NEB: variants seen among roughly 807,000 people sequenced by gnomAD.
NEB encodes nemaline myopathy type 2.
In NEB, 512 loss-of-function variants were observed where a neutral mutation model predicts 952.2. The observed-to-expected ratio is 0.54, with a 90% CI of 0.50 to 0.58. The LOEUF (loss-of-function observed/expected upper bound fraction) is 0.58. NEB is among the 20% of genes least tolerant of loss of function. The pLI is 0.00. For synonymous variants in NEB, 2,900 were observed against 3,149.8 expected, an observed-to-expected ratio of 0.92 and a Z score of 2.66; for missense variants, 8,428 against 9,231.1, an observed-to-expected ratio of 0.91 and a Z score of 3.56.
chr2:151,511,132 C>A (rs2073958820), intron 161 of NEB, among the ~76,000 whole-genome samples: 1 of 152,252 alleles, frequency 6.6e-6, no homozygotes, highest in South Asian at 2.1e-4. Context: ...TAAAGATCAG[C>A]AGTGTCAAAA....
chr2:151,538,945 A>G (rs2093658481), intron 138 of NEB, among the ~76,000 whole-genome samples: 2 of 152,256 alleles, frequency 1.3e-5, no homozygotes, highest in African/African-American at 4.8e-5. Flanking sequence ...GCAAACACAC[A>G]GTGAAAGATG....
At chr2:151,701,370 C>G (rs1022041758) in intron 13 of NEB, among the ~76,000 whole-genome samples, 20 of 151,788 alleles carry the variant, frequency 1.3e-4, no homozygotes, top group African/African-American at 4.3e-4. Flanking sequence ...CAGAATGATG[C>G]TGGCCTCATA....
At position 151,502,845 on chromosome 2, in the gene NEB, G is replaced by T. The variant is rs747960478; in HGVS notation, c.23876C>A (p.Pro7959His). Reference protein sequence around the residue: ...KENLGKGIPTPITPEMERVKR... With the variant: ...KENLGKGIPTHITPEMERVKR... ...GACTCTCTCCATCTCTGGAGTGATA[G>T]GTGTTGGGATTCCTTTCCCCAAATT... Residue 7959 changes from proline (P) to histidine (H), a missense_variant, in exon 167 of 182, where the codon CCT (proline) becomes CAT (histidine). Physicochemically the swap from Pro to His is moderately conservative, Grantham distance 77. Coordinates refer to ENST00000397345, the MANE Select transcript of NEB (RefSeq NM_001164508.2). 2.5e-6 allele frequency: 4 copies of T among 1,608,376 alleles called. No individual in the cohort carries two copies. Among genetic ancestry groups the T allele is most frequent in the Non-Finnish European group, 3.4e-6 (4 of 1,177,506 alleles).
At chr2:151,682,861 AT>A in intron 28 of NEB, 92 bp from the exon 29 acceptor site, 1 of 1,093,740 alleles carries the variant, frequency 9.1e-7, no homozygotes, top group Non-Finnish European at 1.3e-6. Flanking sequence ...TGTTTTTGAG[AT>A]TTCTGACCAG....
At chr2:151,564,884 G>A (rs2096284506) in intron 117 of NEB, among the ~76,000 whole-genome samples, 160 bp downstream of exon 117, 1 of 152,160 alleles carries the variant, frequency 6.6e-6, no homozygotes, top group Admixed American at 6.5e-5. Context: ...TATTTGCCTT[G>A]AATAACATGG....
At position 151,609,749 on chromosome 2, in the gene NEB, T is replaced by C. The variant is rs530105295; in HGVS notation, c.12330+60A>G. On this transcript the variant is annotated intron_variant, in intron 81 of 181. Coordinates refer to ENST00000397345, the MANE Select transcript of NEB (RefSeq NM_001164508.2). ...GGGGACTGTCCTCAGAGGCACTGACTGGGCAATGAACAAATCTACATCTTC... is the reference window on the plus strand; with the variant it reads ...GGGGACTGTCCTCAGAGGCACTGACCGGGCAATGAACAAATCTACATCTTC... The C allele has an allele frequency of 9.2e-5, 137 of 1,492,202 alleles. No individual in the cohort carries two copies. In the South Asian group the frequency reaches 1.0e-3, roughly 11 times the overall value. The allele number at this position is 1,492,202 out of a possible 1,614,324, so 92.4% of individuals were successfully genotyped here. A position where few individuals can be genotyped will look rare whatever the true frequency, so the allele number is the denominator to read the frequency against.
intron 146 of NEB, among the ~76,000 whole-genome samples, chr2:151,528,626 G>T (rs183148841): frequency 1.2e-4 from 19 of 152,230 alleles, no homozygotes; most frequent in Non-Finnish European, 2.2e-4. Flanking sequence ...GCACTAGTGG[G>T]TACTAATTCG....
At chr2:151,572,672 A>G (rs1366902281) in intron 107 of NEB, among the ~76,000 whole-genome samples, 1 of 150,462 alleles carries the variant, frequency 6.6e-6, no homozygotes, top group African/African-American at 2.4e-5. Context: ...CAGCCACCCA[A>G]GTAGCTGGGA....
At chr2:151,527,837 ATC>A (rs981047814) in intron 146 of NEB, among the ~76,000 whole-genome samples, 12 of 152,164 alleles carry the variant, frequency 7.9e-5, no homozygotes, top group African/African-American at 2.9e-4. Flanking sequence ...TGATTCTTCA[ATC>A]TCTCTAGTTC....
rs34234609 is a variant in NEB, at chr2:151,675,340, G to T, written c.3826C>A (p.Pro1276Thr). The change falls in exon 35 of 182, where the codon CCT becomes ACT. Residue 1276 changes from proline to threonine, a missense_variant. By Grantham distance (38) the Pro-to-Thr change is conservative. Coordinates refer to ENST00000397345, the MANE Select transcript of NEB (RefSeq NM_001164508.2). Reference protein sequence around the residue: ...EDVKHKYTMSPDLPQFLQAKC... With the variant: ...EDVKHKYTMSTDLPQFLQAKC... Reference sequence around the variant, plus strand: ...GCCTGGAGAAACTGAGGAAGATCAGGACTCATGGTGTATTTATGTTTCACA... The same window carrying T: ...GCCTGGAGAAACTGAGGAAGATCAGTACTCATGGTGTATTTATGTTTCACA... 1,101 of 1,594,702 alleles carry T rather than the reference G, an allele frequency of 6.9e-4. 2 individuals are homozygous for T. In the African/African-American group the frequency reaches 0.011, roughly 15 times the overall value.
At position 151,621,025 on chromosome 2, in the gene NEB, C is replaced by T; in HGVS notation, c.10454G>A (p.Ser3485Asn). 6.2e-7 allele frequency: 1 copy of T among 1,602,984 alleles called. No individual in the cohort carries two copies. The highest frequency in any genetic ancestry group is 8.5e-7 in the Non-Finnish European group (1 of 1,173,536). The stretch of plus-strand genomic sequence containing the variant: ...TTCTTCCATGGCCTGACGATAGAGG[C>T]TCTGAGGAAAGAAGGAGTAGCTTTT... The part of the protein sequence containing the change: ...ARQNKINYSE[S>N]LYRQAMEEAK... Residue 3485 changes from serine to asparagine, a missense_variant and splice_region_variant, in exon 72 of 182, where the codon AGC becomes AAC. Transcript: ENST00000397345.
intron 132 of NEB, 23 bp downstream of exon 132, chr2:151,547,611 G>A: frequency 6.2e-7 from 1 of 1,609,384 alleles, no homozygotes; most frequent in East Asian, 2.2e-5. Flanking sequence ...TCTACTCCCT[G>A]TCTTTCCTAA....
chr2:151,706,620 A>G (rs148985320), intron 13 of NEB, among the ~76,000 whole-genome samples: 291 of 152,094 alleles, frequency 1.9e-3, no homozygotes, highest in Non-Finnish European at 2.9e-3. Flanking sequence ...ACACATCCAT[A>G]TGGAGGCCCA....
chr2:151,567,668 G>A (rs748460393), intron 113 of NEB, among the ~76,000 whole-genome samples, 189 bp from the exon 114 acceptor site: 1 of 151,616 alleles, frequency 6.6e-6, no homozygotes, highest in East Asian at 1.9e-4. Flanking sequence ...TTTAAAAATA[G>A]AAAAATATTC....
At position 151,568,401 on chromosome 2, in the gene NEB, T is replaced by A. The variant is rs2096504666; in HGVS notation, c.17651A>T (p.Asp5884Val). ...EILDDIKYRK[D>V]WNATKSKYTL... is the part of the protein sequence containing the mutation. Reference sequence around the variant, plus strand: ...GTACTTTGATTTGGTGGCATTCCAGTCTTTCCGGTATTTAATCTAAAAAAA... The same window carrying A: ...GTACTTTGATTTGGTGGCATTCCAGACTTTCCGGTATTTAATCTAAAAAAA... Residue 5884 changes from aspartate to valine, a missense_variant, in exon 112 of 182, where the codon GAC (aspartate) becomes GTC (valine). This residue lies in a region of NEB where 3,374 missense variants were observed against 3,651.5 expected (regional missense o/e 0.92). Transcript: ENST00000397345. The A allele has an allele frequency of 5.0e-6, 8 of 1,599,934 alleles. No individual in the cohort carries two copies. Among genetic ancestry groups the A allele is most frequent in the Non-Finnish European group, 6.0e-6 (7 of 1,176,086 alleles).
rs2069886735 is a variant in NEB, at chr2:151,507,241, T to C, written c.23452-228A>G. On this transcript the variant is annotated intron_variant, in intron 162 of 181. Transcript: ENST00000397345. ...GGTTTGTTTTTGTTTAAGTATCCCTTGCTTAGTAGATTTAACTTTGAAAAA... is the reference window on the plus strand; with the variant it reads ...GGTTTGTTTTTGTTTAAGTATCCCTCGCTTAGTAGATTTAACTTTGAAAAA... 3 of 438,290 alleles carry C rather than the reference T, an allele frequency of 6.8e-6. No homozygotes were observed. In the Admixed American group the frequency reaches 1.2e-4, roughly 18 times the overall value. The allele number at this position is 438,290 out of a possible 1,614,324, so 27.2% of individuals were successfully genotyped here. A position where few individuals can be genotyped will look rare whatever the true frequency, so the allele number is the denominator to read the frequency against.
At chr2:151,493,469 A>G (rs1397318639) in intron 175 of NEB, 24 bp from the exon 176 acceptor site, 6 of 1,494,330 alleles carry the variant, frequency 4.0e-6, no homozygotes, top group Admixed American at 4.0e-5. Context: ...AAGAGCATCT[A>G]GGCATCAGAC....
intron 161 of NEB, among the ~76,000 whole-genome samples, chr2:151,508,833 A>G (rs2071488419): frequency 6.6e-6 from 1 of 152,268 alleles, no homozygotes; most frequent in Admixed American, 6.5e-5. Context: ...AGACGTGTCC[A>G]TATAGAGGCT....
rs2098236038 is a variant in NEB at position 151,617,399 on chromosome 2, T to C, written c.11146A>G (p.Met3716Val). Residue 3716 changes from methionine to valine, a missense_variant, in exon 75 of 182, where the codon ATG becomes GTG. Met to Val is a conservative substitution (Grantham distance 21). Coordinates refer to ENST00000397345, the MANE Select transcript of NEB (RefSeq NM_001164508.2). ...TTTATTCGGTTGAGTTTGGCTAACA[T>C]GATTTCTGGTGTATCAGGCATGACA... is the stretch of plus-strand genomic sequence containing the variant. Reference protein sequence around the residue: ...IHVMPDTPEIMLAKLNRINYS... With the variant: ...IHVMPDTPEIVLAKLNRINYS... 9 of 1,571,372 alleles carry C rather than the reference T, an allele frequency of 5.7e-6. No homozygotes were observed. Among genetic ancestry groups the C allele is most frequent in the Non-Finnish European group, 7.8e-6 (9 of 1,155,772 alleles).
Sources: gnomAD v4.1 joint callset for allele counts (sites outside exome capture counted in the v4.1 genomes callset) on GRCh38, gnomAD v4.1.1 for gene constraint, gnomAD v4.1.1 regional missense constraint, MANE v1.5 for transcripts, NCBI Gene and HGNC (gene_info 2026-07-23, HGNC 2026-07-21) for gene names.